PRKG1: variants seen among roughly 807,000 people sequenced by gnomAD.
PRKG1 encodes cGMP-dependent protein kinase 1.
Under a neutral mutation model 88.1 loss-of-function variants are expected in PRKG1, and 35 were observed. That is an observed-to-expected ratio of 0.40 (90% CI 0.30 to 0.53). The LOEUF is 0.53. PRKG1 is among the 20% of genes least tolerant of loss of function. PRKG1 has a pLI of 0.59. For synonymous variants in PRKG1, 303 were observed against 292.5 expected, an observed-to-expected ratio of 1.04 and a Z score of -0.37; for missense variants, 540 against 839.8, an observed-to-expected ratio of 0.64 and a Z score of 4.41.
intron 2 of PRKG1, among the ~76,000 whole-genome samples, chr10:51,227,423 G>T (rs1408334604): frequency 6.6e-6 from 1 of 151,924 alleles, no homozygotes; most frequent in East Asian, 1.9e-4. Flanking sequence ...AGCCCTTCAG[G>T]TGTTCTTGTT....
chr10:51,524,656 C>T (rs1453875708), intron 3 of PRKG1, among the ~76,000 whole-genome samples: 1 of 152,128 alleles, frequency 6.6e-6, no homozygotes, highest in Non-Finnish European at 1.5e-5. Context: ...GATTTAAGCC[C>T]ACAATTCCAT....
chr10:52,257,684 T>C (rs1841341836), intron 10 of PRKG1, among the ~76,000 whole-genome samples: 1 of 139,978 alleles, frequency 7.1e-6, no homozygotes, highest in Admixed American at 7.5e-5. Flanking sequence ...CAGCCTCTTC[T>C]TTAGTAGTAC....
At chr10:51,586,477 A>C (rs1838176303) in intron 3 of PRKG1, among the ~76,000 whole-genome samples, 1 of 152,124 alleles carries the variant, frequency 6.6e-6, no homozygotes, top group Non-Finnish European at 1.5e-5. Flanking sequence ...ATAACTTTTC[A>C]GTTACATGTT....
At chr10:51,567,203 C>G (rs539954837) in intron 3 of PRKG1, among the ~76,000 whole-genome samples, 58 of 152,108 alleles carry the variant, frequency 3.8e-4, no homozygotes, top group African/African-American at 1.3e-3. Context: ...ATATGTGCCT[C>G]TCCCTACTCA....
intron 3 of PRKG1, among the ~76,000 whole-genome samples, chr10:51,616,979 G>T (rs1179192961): frequency 1.3e-5 from 2 of 152,138 alleles, no homozygotes; most frequent in Non-Finnish European, 2.9e-5. Flanking sequence ...TCTGTTGGTG[G>T]CAGGGCTCTA....
intron 1 of PRKG1, among the ~76,000 whole-genome samples, chr10:51,086,794 A>G (rs1045682970): frequency 6.6e-6 from 1 of 152,182 alleles, no homozygotes; most frequent in South Asian, 2.1e-4. Flanking sequence ...ACCCTTTCTC[A>G]TCTGAGGTTC....
intron 2 of PRKG1, among the ~76,000 whole-genome samples, chr10:51,194,480 G>T (rs1837711932): frequency 6.6e-6 from 1 of 151,892 alleles, no homozygotes; most frequent in Non-Finnish European, 1.5e-5. Flanking sequence ...CAAATTTTAT[G>T]GGAGTAATTA....
Position 51,122,010 on chromosome 10 carries a change from T to C in PRKG1, c.312-31154T>C, listed in dbSNP as rs139608637. Among the ~76,000 whole-genome samples the C allele has an allele frequency of 2.1e-3, 313 of 152,306 alleles. 2 individuals carry two copies. The highest frequency in any genetic ancestry group is 7.3e-3 in the African/African-American group (303 of 41,572). ...ATTGCCAGCCCTCTGCTTCTTGTAT[T>C]GTACGTACATCTGTCGTACCTTCTG... On this transcript the variant is annotated intron_variant, in intron 1 of 17. Transcript: ENST00000373980.
chr10:52,224,084 AG>A (rs1341641396), intron 9 of PRKG1, among the ~76,000 whole-genome samples: 1 of 152,084 alleles, frequency 6.6e-6, no homozygotes, highest in African/African-American at 2.4e-5. Flanking sequence ...AGCTCTCCAG[AG>A]GCTCCTTTTT....
intron 2 of PRKG1, among the ~76,000 whole-genome samples, chr10:51,199,347 T>C (rs1437448076): frequency 6.6e-6 from 1 of 152,206 alleles, no homozygotes; most frequent in Non-Finnish European, 1.5e-5. Context: ...CTTTAACTGC[T>C]CTTATGATAT....
chr10:51,669,492 C>A (rs1019751576), intron 3 of PRKG1, among the ~76,000 whole-genome samples: 1 of 152,186 alleles, frequency 6.6e-6, no homozygotes, highest in African/African-American at 2.4e-5. Flanking sequence ...GGGCACAATT[C>A]AGCTCATAGC....
intron 2 of PRKG1, among the ~76,000 whole-genome samples, chr10:51,172,499 T>C (rs1837055858): frequency 6.6e-6 from 1 of 152,052 alleles, no homozygotes; most frequent in African/African-American, 2.4e-5. Flanking sequence ...GTGCTATCAA[T>C]ATGAAAGGAA....
At chr10:51,190,704 T>G (rs1447836432) in intron 2 of PRKG1, among the ~76,000 whole-genome samples, 2 of 151,898 alleles carry the variant, frequency 1.3e-5, no homozygotes, top group South Asian at 2.1e-4. Context: ...TGGTTGAGAT[T>G]TATATTTTTA....
intron 1 of PRKG1, among the ~76,000 whole-genome samples, chr10:51,130,335 C>CT (rs1184840766): frequency 6.6e-6 from 1 of 152,156 alleles, no homozygotes; most frequent in Non-Finnish European, 1.5e-5. Context: ...ATCTGTCTCT[C>CT]TGACTGTGAG....
chr10:51,455,695 C>G (rs1839565536), intron 2 of PRKG1, among the ~76,000 whole-genome samples: 1 of 152,224 alleles, frequency 6.6e-6, no homozygotes. Flanking sequence ...TTCCTCATCT[C>G]CATCTGAGAC....
intron 3 of PRKG1, among the ~76,000 whole-genome samples, chr10:51,575,480 C>T (rs1196039314): frequency 6.6e-6 from 1 of 151,848 alleles, no homozygotes; most frequent in African/African-American, 2.4e-5. Context: ...TCCAGAATGT[C>T]ACAGAAAAAG....
At chr10:51,532,332 T>C (rs1321655764) in intron 3 of PRKG1, among the ~76,000 whole-genome samples, 2 of 152,220 alleles carry the variant, frequency 1.3e-5, no homozygotes, top group Non-Finnish European at 2.9e-5. Flanking sequence ...CTCACATCCC[T>C]GACTCTTGTG....
chr10:51,762,395 C>T lies in PRKG1; in HGVS notation c.593-42190C>T, dbSNP rs146275131. The stretch of plus-strand genomic sequence containing the variant: ...AGTGATAAAGCTCAATGATAAAGCT[C>T]TTATTGATTGGGTATACCTGAGACA... On this transcript the variant is annotated intron_variant, in intron 3 of 17. Transcript: ENST00000373980. Among the ~76,000 whole-genome samples the T allele has an allele frequency of 2.0e-5, 3 of 152,252 alleles. No homozygotes were observed. In the East Asian group the frequency reaches 5.8e-4, roughly 29 times the overall value.
At chr10:51,064,121 T>C (rs1843722330) in intron 1 of PRKG1, among the ~76,000 whole-genome samples, 1 of 152,096 alleles carries the variant, frequency 6.6e-6, no homozygotes, top group African/African-American at 2.4e-5. Context: ...AAAGAATATA[T>C]TTTCTACATA....
Sources: gnomAD v4.1 joint callset for allele counts (sites outside exome capture counted in the v4.1 genomes callset) on GRCh38, gnomAD v4.1.1 for gene constraint, MANE v1.5 for transcripts, NCBI Gene and HGNC (gene_info 2026-07-23, HGNC 2026-07-21) for gene names.